Variants in VAV3 observed in about 807,000 individuals in gnomAD.
VAV3 encodes vav guanine nucleotide exchange factor 3.
A neutral mutation model predicts 131.2 loss-of-function variants in VAV3; 94 were observed. That is an observed-to-expected ratio of 0.72 (90% CI 0.61 to 0.85). The LOEUF (loss-of-function observed/expected upper bound fraction) is 0.85. Among genes scored for constraint, VAV3 ranks in the 40% least tolerant of loss-of-function variants. The probability of loss-of-function intolerance (pLI) is 0.00; values close to 1 mark genes in which losing one functional copy is unlikely to be tolerated. For missense variants in VAV3, 939 were observed against 1,002.7 expected (o/e 0.94, Z 0.86); for synonymous variants, 349 against 342.0 (o/e 1.02, Z -0.22).
At chr1:107,816,912 G>C (rs909201965) in intron 2 of VAV3, among the ~76,000 whole-genome samples, 2 of 152,124 alleles carry the variant, frequency 1.3e-5, no homozygotes, top group Non-Finnish European at 2.9e-5. Flanking sequence ...ACTGATCATT[G>C]GTAGGCAAAA....
chr1:107,688,300 T>C, intron 18 of VAV3, 81 bp downstream of exon 18: 3 of 1,493,976 alleles, frequency 2.0e-6, no homozygotes, highest in Non-Finnish European at 2.7e-6. Context: ...CATTTAACAG[T>C]GTAAAAGCCC....
At chr1:107,886,216 G>T (rs72689623) in intron 1 of VAV3, among the ~76,000 whole-genome samples, 3,917 of 152,316 alleles carry the variant, frequency 0.026, 74 homozygotes, top group Middle Eastern at 0.1. Context: ...TCCCAGGTAT[G>T]ACACTAAGAA....
At chr1:107,704,124 G>C (rs1660302526) in intron 17 of VAV3, among the ~76,000 whole-genome samples, 1 of 152,110 alleles carries the variant, frequency 6.6e-6, no homozygotes, top group South Asian at 2.1e-4. Flanking sequence ...TTTACTTCTG[G>C]AGCCATTAGC....
intron 1 of VAV3, among the ~76,000 whole-genome samples, chr1:107,919,239 C>A (rs1672771310): frequency 1.3e-5 from 2 of 152,070 alleles, no homozygotes; most frequent in Non-Finnish European, 2.9e-5. Flanking sequence ...ATAACTATTG[C>A]TTGAATCAAA....
chr1:107,832,800 A>G (rs535830249), intron 2 of VAV3, among the ~76,000 whole-genome samples: 106 of 152,342 alleles, frequency 7.0e-4, no homozygotes, highest in African/African-American at 2.5e-3. Context: ...GCCATTGATT[A>G]CATTGTACAA....
intron 21 of VAV3, among the ~76,000 whole-genome samples, chr1:107,615,815 CAT>C (rs1192409127): frequency 1.3e-5 from 2 of 152,126 alleles, no homozygotes; most frequent in East Asian, 1.9e-4. Flanking sequence ...GGAAAGAAGA[CAT>C]ACATATAATT....
At chr1:107,955,835 T>C (rs1016338440) in intron 1 of VAV3, among the ~76,000 whole-genome samples, 3 of 152,202 alleles carry the variant, frequency 2.0e-5, no homozygotes, top group Non-Finnish European at 2.9e-5. Context: ...TTTTATCCCA[T>C]GGTCCATCAG....
chr1:107,674,913 A>G (rs1658082760), intron 19 of VAV3, among the ~76,000 whole-genome samples: 1 of 152,212 alleles, frequency 6.6e-6, no homozygotes, highest in African/African-American at 2.4e-5. Context: ...AGGTCCATGT[A>G]GTAAAGAACT....
intron 2 of VAV3, among the ~76,000 whole-genome samples, chr1:107,871,489 C>G (rs369339948): frequency 1.3e-5 from 2 of 149,856 alleles, no homozygotes; most frequent in African/African-American, 4.8e-5. Context: ...AAACTCACTC[C>G]TCTTTCCTGT....
At chr1:107,755,979 A>G (rs1664080022) in intron 11 of VAV3, among the ~76,000 whole-genome samples, 2 of 152,188 alleles carry the variant, frequency 1.3e-5, no homozygotes, top group Admixed American at 1.3e-4. Context: ...GCAATCGGCT[A>G]GTCTTCTTGG....
At chr1:107,648,079 C>G (rs961074886) in intron 19 of VAV3, among the ~76,000 whole-genome samples, 9 of 152,002 alleles carry the variant, frequency 5.9e-5, no homozygotes, top group African/African-American at 2.2e-4. Context: ...GGAAAACAAA[C>G]TGGTCTAAAG....
chr1:107,573,303 G>A lies in VAV3; in HGVS notation c.*28C>T, dbSNP rs747774059. On this transcript the variant is annotated 3_prime_UTR_variant, in exon 27 of 27. Transcript: ENST00000370056. Reference sequence around the variant, plus strand: ...TATTTATCCCTTCTCTGAAATTTTTGGTGCAGGGTGCAACACGGGATTTGA... The same window carrying A: ...TATTTATCCCTTCTCTGAAATTTTTAGTGCAGGGTGCAACACGGGATTTGA... 6 of 1,609,836 alleles carry A rather than the reference G, an allele frequency of 3.7e-6. No homozygotes were observed. In the African/African-American group the frequency reaches 5.4e-5, roughly 14 times the overall value.
intron 2 of VAV3, among the ~76,000 whole-genome samples, chr1:107,825,847 G>A (rs1279221619): frequency 6.6e-6 from 1 of 152,170 alleles, no homozygotes; most frequent in Non-Finnish European, 1.5e-5. Flanking sequence ...AGGTTATTAT[G>A]TCTGACACTG....
chr1:107,626,445 T>C, intron 20 of VAV3, among the ~76,000 whole-genome samples: 1 of 152,198 alleles, frequency 6.6e-6, no homozygotes, highest in East Asian at 1.9e-4. Context: ...TACAGGCAAA[T>C]ACCTGTCAAA....
In VAV3 at chr1:107,850,725, T is replaced by A. The variant is rs971391251; in HGVS notation, c.321+24176A>T. The stretch of plus-strand genomic sequence containing the variant: ...TCCCAGAACTTAAAGTATAATTTTT[T>A]TAAAAAAAAGAAAGAAAAAATAAAG... On this transcript the variant is annotated intron_variant, in intron 2 of 26. Coordinates refer to ENST00000370056, the MANE Select transcript of VAV3 (RefSeq NM_006113.5). 4.6e-5 allele frequency among the ~76,000 whole-genome samples: 7 copies of A among 152,002 alleles called. No individual in the cohort carries two copies. The East Asian group carries it at 5.8e-4, about 13-fold the overall frequency.
At chr1:107,617,506 C>A in intron 21 of VAV3, 61 bp downstream of exon 21, 1 of 1,481,562 alleles carries the variant, frequency 6.7e-7, no homozygotes, top group Non-Finnish European at 9.3e-7. Context: ...GATTTTTGCA[C>A]AATTAATCAC....
At chr1:107,819,117 AAC>A (rs1369473527) in intron 2 of VAV3, among the ~76,000 whole-genome samples, 1 of 152,186 alleles carries the variant, frequency 6.6e-6, no homozygotes, top group African/African-American at 2.4e-5. Flanking sequence ...CTCCAGATGA[AAC>A]AGCAAAATAG....
At chr1:107,923,087 G>A (rs1046713172) in intron 1 of VAV3, among the ~76,000 whole-genome samples, 2 of 151,586 alleles carry the variant, frequency 1.3e-5, no homozygotes, top group Non-Finnish European at 2.9e-5. Context: ...GTTTTTTTAT[G>A]CTCTTTTTTC....
intron 19 of VAV3, among the ~76,000 whole-genome samples, chr1:107,651,464 A>G (rs1281989841): frequency 1.4e-5 from 2 of 145,530 alleles, no homozygotes; most frequent in Non-Finnish European, 3.0e-5. Flanking sequence ...ACCAAACACC[A>G]TGGTGCCATA....
Sources: allele counts gnomAD v4.1 joint callset (sites outside exome capture counted in the v4.1 genomes callset), GRCh38; gene constraint gnomAD v4.1.1; transcripts MANE v1.5; gene names NCBI Gene and HGNC (gene_info 2026-07-23, HGNC 2026-07-21).